Variants in INPP5F observed in about 807,000 individuals in gnomAD.
The protein encoded by INPP5F is phosphatidylinositide 4-phosphatase SAC2.
Under a neutral mutation model 137.2 loss-of-function variants are expected in INPP5F, and 97 were observed. That is an observed-to-expected ratio of 0.71 (90% CI 0.60 to 0.84). INPP5F has a LOEUF of 0.84. Among genes scored for constraint, INPP5F ranks in the 40% least tolerant of loss-of-function variants. The pLI is 0.00. For missense variants in INPP5F, 1,271 were observed against 1,371.9 expected, an observed-to-expected ratio of 0.93 and a Z score of 1.16; for synonymous variants, 504 against 476.9, an observed-to-expected ratio of 1.06 and a Z score of -0.74.
intron 15 of INPP5F, chr10:119,819,311 G>T: frequency 2.1e-6 from 1 of 470,798 alleles, no homozygotes; most frequent in Non-Finnish European, 3.0e-6. Flanking sequence ...AAAATTGGGG[G>T]TGGGGGGAGG....
chr10:119,823,435 T>C (rs1335845484), intron 18 of INPP5F, among the ~76,000 whole-genome samples: 1 of 152,160 alleles, frequency 6.6e-6, no homozygotes, highest in Non-Finnish European at 1.5e-5. Flanking sequence ...TCTCAGGGAG[T>C]TTGGCCCCAT....
intron 2 of INPP5F, among the ~76,000 whole-genome samples, chr10:119,780,438 A>G (rs1361860820): frequency 1.3e-5 from 2 of 152,130 alleles, no homozygotes; most frequent in Non-Finnish European, 2.9e-5. Context: ...TTAGCTGGGC[A>G]TGGTGGTGTA....
At chr10:119,819,080 T>C (rs1851425780) in intron 15 of INPP5F, 1 of 153,808 alleles carries the variant, frequency 6.5e-6, no homozygotes, top group Admixed American at 6.4e-5. Context: ...AATTTTCGTC[T>C]TCATAGTGTG....
chr10:119,770,619 A>G (rs1431115135), intron 2 of INPP5F, among the ~76,000 whole-genome samples: 2 of 151,996 alleles, frequency 1.3e-5, no homozygotes, highest in Non-Finnish European at 2.9e-5. Context: ...AGGAGTAGAG[A>G]TTGCTATTAT....
chr10:119,731,927 T>G (rs563732290), intron 1 of INPP5F, among the ~76,000 whole-genome samples: 2 of 152,320 alleles, frequency 1.3e-5, no homozygotes, highest in South Asian at 2.1e-4. Flanking sequence ...TTTTTATGCA[T>G]GTACATATTT....
intron 15 of INPP5F, among the ~76,000 whole-genome samples, chr10:119,820,342 T>C (rs1389182189): frequency 6.6e-6 from 1 of 152,232 alleles, no homozygotes; most frequent in Non-Finnish European, 1.5e-5. Flanking sequence ...CAAAAGTAGC[T>C]TGGACTTGTT....
chr10:119,806,906 C>G (rs958880386), intron 12 of INPP5F, among the ~76,000 whole-genome samples: 1 of 151,326 alleles, frequency 6.6e-6, no homozygotes, highest in Non-Finnish European at 1.5e-5. Context: ...GAGCCTGTGT[C>G]TTTTTCTTCC....
intron 2 of INPP5F, among the ~76,000 whole-genome samples, chr10:119,753,397 A>G (rs1848742877): frequency 6.6e-6 from 1 of 152,218 alleles, no homozygotes; most frequent in African/African-American, 2.4e-5. Context: ...CCAAAAGTTA[A>G]TGGCTTAAAA....
chr10:119,733,211 T>C (rs1263856338), intron 1 of INPP5F, among the ~76,000 whole-genome samples: 1 of 152,230 alleles, frequency 6.6e-6, no homozygotes, highest in Non-Finnish European at 1.5e-5. Context: ...AGGATCTATG[T>C]AGAAAGAAAA....
At chr10:119,826,267 G>A (rs1851754163) in intron 19 of INPP5F, among the ~76,000 whole-genome samples, 1 of 152,202 alleles carries the variant, frequency 6.6e-6, no homozygotes, top group African/African-American at 2.4e-5. Context: ...GAATTCAGGT[G>A]TGCTGTAATT....
intron 1 of INPP5F, among the ~76,000 whole-genome samples, chr10:119,730,154 G>A: frequency 6.6e-6 from 1 of 151,820 alleles, no homozygotes; most frequent in East Asian, 1.9e-4. Context: ...TTGTTGCCCA[G>A]GCTGGAGTGC....
chr10:119,825,958 T>C (rs1306401207), intron 19 of INPP5F: 1 of 398,456 alleles, frequency 2.5e-6, no homozygotes, highest in Non-Finnish European at 4.4e-6. Context: ...ATAGCTGTCA[T>C]GAGGGATACC....
intron 9 of INPP5F, among the ~76,000 whole-genome samples, chr10:119,802,156 T>C (rs1386016673): frequency 6.6e-6 from 1 of 152,084 alleles, no homozygotes; most frequent in Non-Finnish European, 1.5e-5. Context: ...TGGGAACAGG[T>C]TTTCTGCTCT....
intron 15 of INPP5F, among the ~76,000 whole-genome samples, chr10:119,812,238 C>T (rs549869195): frequency 6.6e-6 from 1 of 152,308 alleles, no homozygotes; most frequent in African/African-American, 2.4e-5. Flanking sequence ...CTGTGGGTTC[C>T]CCACTCCCTG....
chr10:119,744,209 A>G (rs1187718958), intron 1 of INPP5F, among the ~76,000 whole-genome samples: 1 of 152,202 alleles, frequency 6.6e-6, no homozygotes, highest in African/African-American at 2.4e-5. Context: ...TTTCTTGACA[A>G]CACTGAGTTA....
chr10:119,736,519 C>T (rs1309039104), intron 1 of INPP5F, among the ~76,000 whole-genome samples: 1 of 152,180 alleles, frequency 6.6e-6, no homozygotes, highest in Non-Finnish European at 1.5e-5. Context: ...AAGTGGTATA[C>T]AGTTAAGTCT....
intron 2 of INPP5F, among the ~76,000 whole-genome samples, chr10:119,769,494 A>AT (rs1849273479): frequency 6.6e-6 from 1 of 152,146 alleles, no homozygotes; most frequent in Admixed American, 6.5e-5. Context: ...CTGGTACAAA[A>AT]TGATTTCTGG....
At position 119,827,227 on chromosome 10, in the gene INPP5F, T is replaced by G; in HGVS notation, c.2846T>G (p.Leu949Trp). ...KSPSAGDVHI[L>W]TGFAKPMDIY... ...CCTTCTGCTGGCGACGTACACATATTGACTGGCTTTGCCAAGCCTATGGAT... is the reference window on the plus strand; with the variant it reads ...CCTTCTGCTGGCGACGTACACATATGGACTGGCTTTGCCAAGCCTATGGAT... Residue 949 changes from leucine to tryptophan, a missense_variant, in exon 20 of 20, where the codon TTG becomes TGG. Physicochemically the swap from Leu to Trp is moderately conservative, Grantham distance 61 (BLOSUM62 -2). Transcript: ENST00000650623. 1 of 1,614,156 alleles carries G rather than the reference T, an allele frequency of 6.2e-7. No individual in the cohort carries two copies.
chr10:119,750,554 G>A (rs916830964), intron 1 of INPP5F, among the ~76,000 whole-genome samples: 7 of 152,316 alleles, frequency 4.6e-5, no homozygotes, highest in Admixed American at 1.3e-4. Context: ...TGCCTGGCAC[G>A]TAGAAGGCAC....
Sources: allele counts gnomAD v4.1 joint callset (sites outside exome capture counted in the v4.1 genomes callset), GRCh38; gene constraint gnomAD v4.1.1; transcripts MANE v1.5; gene names NCBI Gene and HGNC (gene_info 2026-07-23, HGNC 2026-07-21).